Variants in TRIM67 observed in about 807,000 individuals in gnomAD.
TRIM67 encodes tripartite motif-containing protein 67.
A neutral mutation model predicts 71.0 loss-of-function variants in TRIM67; 39 were observed. The ratio of observed to expected loss-of-function variants is 0.55; its 90% confidence interval spans 0.43 to 0.72. The LOEUF (loss-of-function observed/expected upper bound fraction) is 0.72. Ranked by LOEUF, TRIM67 falls within the 30% of genes least tolerant of loss-of-function variation. The pLI is 0.00. For missense variants in TRIM67, 973 were observed against 1,079.2 expected, an observed-to-expected ratio of 0.90 and a Z score of 1.38; for synonymous variants, 481 against 473.9, an observed-to-expected ratio of 1.01 and a Z score of -0.19.
rs1208359510 is a variant in TRIM67 at position 231,199,152 on chromosome 1, A to G, written c.1246A>G (p.Arg416Gly). 7 of 1,613,866 alleles carry G rather than the reference A, an allele frequency of 4.3e-6. No homozygotes were observed. Among genetic ancestry groups the G allele is most frequent in the Non-Finnish European group, 5.9e-6 (7 of 1,179,880 alleles). The change falls in exon 3 of 10, where the codon AGG becomes GGG. Residue 416 changes from arginine (R) to glycine (G), a missense_variant. Transcript: ENST00000366653. ...AKLLTKVTKE[R>G]EHKLKMVWDQ... ...GCTGCTCACCAAGGTGACTAAAGAG[A>G]GGGAACACAAGTTGAAGGTAGGTAC...
chr1:231,176,426 G>C (rs1006100952), intron 1 of TRIM67, among the ~76,000 whole-genome samples: 4 of 151,826 alleles, frequency 2.6e-5, no homozygotes, highest in Non-Finnish European at 2.9e-5. Flanking sequence ...GGAAACTGAA[G>C]ATAAGATGAT....
chr1:231,166,102 T>G (rs556403984), intron 1 of TRIM67, among the ~76,000 whole-genome samples: 1 of 152,312 alleles, frequency 6.6e-6, no homozygotes, highest in South Asian at 2.1e-4. Flanking sequence ...CAATGCAAAG[T>G]TATGAGGAAA....
Position 231,209,041 on chromosome 1 carries a change from G to T in TRIM67, c.1914G>T (p.Arg638=). 6.2e-7 allele frequency: 1 copy of T among 1,613,686 alleles called. No homozygotes were observed. Among genetic ancestry groups the T allele is most frequent in the Middle Eastern group, 1.7e-4 (1 of 6,060 alleles). The change falls in exon 8 of 10, where the codon CGG becomes CGT. Residue 638 remains arginine, a synonymous_variant. Transcript: ENST00000366653. This position sits in a 1 kb window ranked among gnomAD's most constrained non-coding sequence, Gnocchi z 4.1. ...CCACCTGCAGCAGCTATGACGACCG[G>T]GTGGTGCTGGGCACAGCTGCGTTCT... is the stretch of plus-strand genomic sequence containing the variant. The part of the protein sequence containing the change: ...QTATCSSYDD[R]VVLGTAAFSK...
chr1:231,170,798 G>A (rs1682600809), intron 1 of TRIM67, among the ~76,000 whole-genome samples: 1 of 152,154 alleles, frequency 6.6e-6, no homozygotes, highest in African/African-American at 2.4e-5. Context: ...GAAGAGTTGA[G>A]TGGTTGCAAC....
intron 8 of TRIM67, among the ~76,000 whole-genome samples, chr1:231,210,966 G>A (rs1431765569): frequency 1.4e-5 from 2 of 143,914 alleles, no homozygotes; most frequent in African/African-American, 5.4e-5. Context: ...AGGATCGCTT[G>A]TGCCCAGGAG....
chr1:231,186,247 A>AT, intron 1 of TRIM67: 1 of 1,301,580 alleles, frequency 7.7e-7, no homozygotes, highest in South Asian at 1.3e-5. Flanking sequence ...TTCTGGCAAA[A>AT]GCAGGATTTC....
At chr1:231,203,449 A>G (rs1022934190) in intron 5 of TRIM67, among the ~76,000 whole-genome samples, 3 of 152,152 alleles carry the variant, frequency 2.0e-5, no homozygotes, top group Non-Finnish European at 2.9e-5. Context: ...GGCCCTGCGG[A>G]GAGGATCCCT....
rs777585023 is a variant in TRIM67, at chr1:231,209,300, T to C, written c.2123+50T>C. The stretch of plus-strand genomic sequence containing the variant: ...CCCGTGGACACAGGTTGTTTGGGAA[T>C]GAGGGTCCTGAAGACCAGTGTCCCT... On this transcript the variant is annotated intron_variant, in intron 8 of 9. Transcript: ENST00000366653. The surrounding 1 kb of genome is among the most constrained non-coding windows in gnomAD (Gnocchi z 4.1). 6.7e-7 allele frequency: 1 copy of C among 1,485,230 alleles called. No homozygotes were observed. The highest frequency in any genetic ancestry group is 9.0e-7 in the Non-Finnish European group (1 of 1,112,996). 92.0% of individuals were successfully genotyped at this position (1,485,230 alleles called of 1,614,324 possible). A position where few individuals can be genotyped will look rare whatever the true frequency, so the allele number is the denominator to read the frequency against.
Position 231,194,937 on chromosome 1 carries a change from C to T in TRIM67, c.1045-2434C>T, listed in dbSNP as rs984665027. ...CGGCAGGGAGGTCTCTCTATGTTGC[C>T]CAGGCTGGTCTTGAACTCTTGGCCT... On this transcript the variant is annotated intron_variant, in intron 1 of 9. Transcript: ENST00000366653. Among the ~76,000 whole-genome samples, 6 of 152,146 alleles carry T rather than the reference C, an allele frequency of 3.9e-5. No individual in the cohort carries two copies. The South Asian group carries it at 1.2e-3, about 32-fold the overall frequency.
At position 231,196,315 on chromosome 1, in the gene TRIM67, G is replaced by A. The variant is rs376655883; in HGVS notation, c.1045-1056G>A. On this transcript the variant is annotated intron_variant, in intron 1 of 9. Coordinates refer to ENST00000366653, the MANE Select transcript of TRIM67 (RefSeq NM_001004342.5). ...AAAATGAGAGTCATGTAAAAATCAG[G>A]GTCACAGTCTGGATGGGCGTGATGG... 5.9e-5 allele frequency among the ~76,000 whole-genome samples: 9 copies of A among 151,994 alleles called. No homozygotes were observed. The East Asian group carries it at 1.4e-3, about 23-fold the overall frequency.
intron 1 of TRIM67, among the ~76,000 whole-genome samples, chr1:231,167,618 G>C (rs1571867038): frequency 9.4e-6 from 1 of 106,278 alleles, no homozygotes; most frequent in Non-Finnish European, 1.7e-5. Flanking sequence ...CACCGCGCCC[G>C]GCCGTCTTTT....
At chr1:231,181,142 T>A (rs1682895314) in intron 1 of TRIM67, among the ~76,000 whole-genome samples, 1 of 152,178 alleles carries the variant, frequency 6.6e-6, no homozygotes, top group Non-Finnish European at 1.5e-5. Context: ...ATTTTTATAT[T>A]TTTAGTAAAG....
chr1:231,216,312 G>C lies in TRIM67; in HGVS notation c.*872G>C. 1.0e-6 allele frequency: 1 copy of C among 985,040 alleles called. No homozygotes were observed. Among genetic ancestry groups the C allele is most frequent in the Non-Finnish European group, 1.2e-6 (1 of 829,860 alleles). The allele number at this position is 985,040 out of a possible 1,614,324, so 61.0% of individuals were successfully genotyped here. Reference sequence around the variant, plus strand: ...CTCTCTCTCACACACACACAGGCATGACAGTCTCCTAAAATTAATTCACTC... The same window carrying C: ...CTCTCTCTCACACACACACAGGCATCACAGTCTCCTAAAATTAATTCACTC... On this transcript the variant is annotated 3_prime_UTR_variant, in exon 10 of 10. Coordinates refer to ENST00000366653, the MANE Select transcript of TRIM67 (RefSeq NM_001004342.5).
intron 1 of TRIM67, chr1:231,186,178 A>G (rs1222509124): frequency 7.8e-6 from 12 of 1,530,006 alleles, no homozygotes; most frequent in African/African-American, 5.7e-5. Context: ...TTTGTTCTGC[A>G]TGAATCACAG....
chr1:231,163,691 C>G lies in TRIM67; in HGVS notation c.722C>G (p.Ser241Cys). The G allele has an allele frequency of 6.6e-7, 1 of 1,510,340 alleles. No homozygotes were observed. The highest frequency in any genetic ancestry group is 1.4e-5 in the African/African-American group (1 of 69,032). The allele number at this position is 1,510,340 out of a possible 1,614,324, so 93.6% of individuals were successfully genotyped here. The change falls in exon 1 of 10, where the codon TCC becomes TGC. Residue 241 changes from serine to cysteine, a missense_variant. Coordinates refer to ENST00000366653, the MANE Select transcript of TRIM67 (RefSeq NM_001004342.5). ...CSACQLKCHP[S>C]RGPFAKHRLV... ...GCCTGCCAGCTCAAGTGCCATCCAT[C>G]CCGGGGACCCTTCGCCAAGCATCGC...
At position 231,162,645 on chromosome 1, in the gene TRIM67, G is replaced by A. The variant is rs1558286275; in HGVS notation, c.-325G>A. 2 of 308,668 alleles carry A rather than the reference G, an allele frequency of 6.5e-6. No individual in the cohort carries two copies. Among genetic ancestry groups the A allele is most frequent in the Non-Finnish European group, 1.2e-5 (2 of 167,648 alleles). 19.1% of individuals were successfully genotyped at this position (308,668 alleles called of 1,614,324 possible). On this transcript the variant is annotated 5_prime_UTR_variant, in exon 1 of 10. Coordinates refer to ENST00000366653, the MANE Select transcript of TRIM67 (RefSeq NM_001004342.5). ...CGCTGCAGCCGGCGGCGGCGCTGGT[G>A]CTGATTCATCACCTAAAGCTCCTCG...
Position 231,215,625 on chromosome 1 carries a change from T to C in TRIM67, c.*185T>C. 7.4e-7 allele frequency: 1 copy of C among 1,358,918 alleles called. No homozygotes were observed. Among genetic ancestry groups the C allele is most frequent in the Non-Finnish European group, 9.5e-7 (1 of 1,053,568 alleles). 84.2% of individuals were successfully genotyped at this position (1,358,918 alleles called of 1,614,324 possible). On this transcript the variant is annotated 3_prime_UTR_variant, in exon 10 of 10. Transcript: ENST00000366653. ...CAGGGAATGGGTCCACGGGCCATGC[T>C]CACAGCTGCCACTGTCAGTGGCAAA...
In TRIM67 at chr1:231,162,851, C is replaced by G. The variant is rs530648579; in HGVS notation, c.-119C>G. On this transcript the variant is annotated 5_prime_UTR_variant, in exon 1 of 10. Transcript: ENST00000366653. ...CCCTCGGCTGTGAAGTGGGCATGCC[C>G]GTGTGATGCCCCCGCCCGTCGTCTC... 7.4e-6 allele frequency: 10 copies of G among 1,348,926 alleles called. No homozygotes were observed. The highest frequency in any genetic ancestry group is 2.2e-5 in the Admixed American group (1 of 46,410). The allele number at this position is 1,348,926 out of a possible 1,614,324, so 83.6% of individuals were successfully genotyped here.
chr1:231,171,211 T>C (rs974302072), intron 1 of TRIM67, among the ~76,000 whole-genome samples: 3 of 152,108 alleles, frequency 2.0e-5, no homozygotes, highest in African/African-American at 7.2e-5. Flanking sequence ...ATCTTTAGGT[T>C]ACACAAACTC....
Sources: allele counts gnomAD v4.1 joint callset (sites outside exome capture counted in the v4.1 genomes callset), GRCh38; gene constraint gnomAD v4.1.1; non-coding constraint Gnocchi (gnomAD v3.1); transcripts MANE v1.5; gene names NCBI Gene and HGNC (gene_info 2026-07-23, HGNC 2026-07-21).